The following CACNA1H variants were observed in gnomAD, a reference collection of about 807,000 sequenced individuals.
CACNA1H encodes voltage-dependent T-type calcium channel subunit alpha-1H.
In CACNA1H, 149 loss-of-function variants were observed where a neutral mutation model predicts 192.5. The ratio of observed to expected loss-of-function variants is 0.77; its 90% CI spans 0.68 to 0.89. The LOEUF (loss-of-function observed/expected upper bound fraction) is 0.89. Among genes scored for constraint, CACNA1H ranks in the 40% least tolerant of loss-of-function variants. The probability of loss-of-function intolerance (pLI) is 0.00; values close to 1 mark genes in which losing one functional copy is unlikely to be tolerated. For missense variants in CACNA1H, 4,257 were observed against 3,423.5 expected (o/e 1.24, Z -6.08); for synonymous variants, 2,202 against 1,475.2 (o/e 1.49, Z -11.29).
rs56885166 is a variant in CACNA1H, at chr16:1,220,585, G to A, written c.6653G>A (p.Arg2218His). The A allele has an allele frequency of 2.1e-3, 3,179 of 1,544,136 alleles. 2 individuals carry two copies. Among genetic ancestry groups the A allele is most frequent in the Non-Finnish European group, 2.6e-3 (2,984 of 1,152,004 alleles). ...AAEGGSTTLR[R>H]RTPSCEATPH... ...GAGGGCGGCAGCACCACACTGAGGCGCAGGACCCCGTCCTGTGAGGCCACG... is the reference window on the plus strand; with the variant it reads ...GAGGGCGGCAGCACCACACTGAGGCACAGGACCCCGTCCTGTGAGGCCACG... The change falls in exon 35 of 35, where the codon CGC becomes CAC. Residue 2218 changes from arginine (R) to histidine (H), a missense_variant. Transcript: ENST00000348261.
intron 2 of CACNA1H, among the ~76,000 whole-genome samples, chr16:1,170,628 G>T (rs1283583978): frequency 6.6e-6 from 1 of 152,190 alleles, no homozygotes; most frequent in African/African-American, 2.4e-5. Flanking sequence ...GTGGAGCCTG[G>T]TCGGCATCCT....
chr16:1,200,197 G>A (rs764471175), intron 6 of CACNA1H, 59 bp from the exon 7 acceptor site: 29 of 1,413,282 alleles, frequency 2.1e-5, no homozygotes, highest in East Asian at 1.2e-4. Context: ...TCGTGCCCCC[G>A]ACTCTGACCG....
chr16:1,157,600 C>T (rs1488561146), intron 2 of CACNA1H: 2 of 152,308 alleles, frequency 1.3e-5, no homozygotes, highest in Admixed American at 6.5e-5. Context: ...TCCACGTGCC[C>T]CGCAGGCCTC....
intron 2 of CACNA1H, among the ~76,000 whole-genome samples, chr16:1,162,708 A>G (rs550798138): frequency 2.1e-4 from 32 of 150,710 alleles, no homozygotes; most frequent in Non-Finnish European, 4.3e-4. Context: ...TGGGGGCCGC[A>G]CTTGGCTCTG....
chr16:1,153,795 C>A lies in CACNA1H; in HGVS notation c.58C>A (p.Pro20Thr). The A allele has an allele frequency of 2.4e-6, 3 of 1,247,412 alleles. No individual in the cohort carries two copies. The highest frequency in any genetic ancestry group is 3.0e-6 in the Non-Finnish European group (3 of 996,414). 77.3% of individuals were successfully genotyped at this position (1,247,412 alleles called of 1,614,324 possible). A position where few individuals can be genotyped will look rare whatever the true frequency, so the allele number is the denominator to read the frequency against. ...CCGGGTGCCCCTGGGCGCGCCGCCC[C>A]CTGGCCCTGCGGCGTTGGTGGGGGC... Reference protein sequence around the residue: ...EVRVPLGAPPPGPAALVGASP... With the variant: ...EVRVPLGAPPTGPAALVGASP... Residue 20 changes from proline to threonine, a missense_variant, in exon 2 of 35, where the codon CCT becomes ACT. Transcript: ENST00000348261.
chr16:1,154,067 G>A, intron 2 of CACNA1H, 31 bp downstream of exon 2: 3 of 890,106 alleles, frequency 3.4e-6, no homozygotes, highest in Non-Finnish European at 4.3e-6. Context: ...GGGGCGGGGG[G>A]CGGGGGGCGT....
At position 1,209,171 on chromosome 16, in the gene CACNA1H, C is replaced by T. The variant is rs1020672301; in HGVS notation, c.3503C>T (p.Ser1168Phe). ...GQCGERESLL[S>F]GEGKGSTDDE... ...TGTGGGGAACGTGAGTCCCTGCTGTCTGGCGAGGGCAAGGGCAGCACCGAC... is the reference window on the plus strand; with the variant it reads ...TGTGGGGAACGTGAGTCCCTGCTGTTTGGCGAGGGCAAGGGCAGCACCGAC... The change falls in exon 17 of 35, where the codon TCT (serine) becomes TTT (phenylalanine). Residue 1168 changes from serine (S) to phenylalanine (F), a missense_variant. Ser to Phe is a radical substitution (Grantham distance 155). Coordinates refer to ENST00000348261, the MANE Select transcript of CACNA1H (RefSeq NM_021098.3). 2 of 1,552,898 alleles carry T rather than the reference C, an allele frequency of 1.3e-6. No homozygotes were observed. Among genetic ancestry groups the T allele is most frequent in the Non-Finnish European group, 1.7e-6 (2 of 1,149,284 alleles).
In CACNA1H at chr16:1,215,583, C is replaced by T. The variant is rs759801451; in HGVS notation, c.5234C>T (p.Ala1745Val). Residue 1745 changes from alanine (A) to valine (V), a missense_variant, in exon 30 of 35, where the codon GCT (alanine) becomes GTT (valine). Transcript: ENST00000348261. ...MRALLDTVVQ[A>V]LPQVGNLGLL... ...GCCCTGCTGGACACTGTGGTGCAAGCTCTCCCCCAGGTAGGTGGAGCCCGC... is the reference window on the plus strand; with the variant it reads ...GCCCTGCTGGACACTGTGGTGCAAGTTCTCCCCCAGGTAGGTGGAGCCCGC... 6.2e-6 allele frequency: 10 copies of T among 1,611,422 alleles called. No individual in the cohort carries two copies. Among genetic ancestry groups the T allele is most frequent in the Non-Finnish European group, 8.5e-6 (10 of 1,179,422 alleles).
chr16:1,161,643 TGTCATCTCG>T (rs759907384), intron 2 of CACNA1H, among the ~76,000 whole-genome samples: 2 of 152,184 alleles, frequency 1.3e-5, no homozygotes, highest in Non-Finnish European at 2.9e-5. Flanking sequence ...CACTTTGGTC[TGTCATCTCG>T]GTCACTGATG....
rs568986803 is a variant in CACNA1H, at chr16:1,211,160, C to T, written c.4224-8C>T. The T allele has an allele frequency of 4.3e-5, 69 of 1,612,272 alleles. No individual in the cohort carries two copies. Among genetic ancestry groups the T allele is most frequent in the African/African-American group, 6.7e-5 (5 of 75,038 alleles). ...GATGACTGCAGTGTATCCTTCACTC[C>T]CCTCCAGGGTCATCAGCCGGGCCCC... On this transcript the variant is annotated splice_region_variant and splice_polypyrimidine_tract_variant and intron_variant, in intron 21 of 34. Coordinates refer to ENST00000348261, the MANE Select transcript of CACNA1H (RefSeq NM_021098.3).
At chr16:1,197,760 G>A (rs533018054) in intron 5 of CACNA1H, among the ~76,000 whole-genome samples, 3 of 152,324 alleles carry the variant, frequency 2.0e-5, no homozygotes, top group African/African-American at 7.2e-5. Flanking sequence ...ACCCCTGGGT[G>A]CTGGGTGAGA....
At chr16:1,205,088 T>G (rs367601257) in intron 10 of CACNA1H, 26 bp from the exon 11 acceptor site, 1 of 1,601,248 alleles carries the variant, frequency 6.2e-7, no homozygotes, top group Non-Finnish European at 8.5e-7. Flanking sequence ...TGCGGCCTCC[T>G]GAACTGTCCC....
rs1385677058 is a variant in CACNA1H, at chr16:1,212,033, G to T, written c.4654G>T (p.Gly1552Cys). 1 of 1,613,436 alleles carries T rather than the reference G, an allele frequency of 6.2e-7. No individual in the cohort carries two copies. Among genetic ancestry groups the T allele is most frequent in the Admixed American group, 1.7e-5 (1 of 60,022 alleles). The change falls in exon 25 of 35, where the codon GGC becomes TGC. Residue 1552 changes from glycine to cysteine, a missense_variant. Coordinates refer to ENST00000348261, the MANE Select transcript of CACNA1H (RefSeq NM_021098.3). ...CTTCTTCGTGCTCAACATGTTCGTG[G>T]GCGTCGTGGTCGAGAACTTCCACAA... ...VSFFVLNMFV[G>C]VVVENFHKCR...
At chr16:1,202,883 T>G (rs867965489) in intron 9 of CACNA1H, among the ~76,000 whole-genome samples, 46 of 150,852 alleles carry the variant, frequency 3.0e-4, no homozygotes, top group African/African-American at 1.1e-3. Context: ...TGGGGGAGTG[T>G]GGGGGAGGCA....
chr16:1,193,736 G>A (rs993530905), intron 2 of CACNA1H, among the ~76,000 whole-genome samples: 1 of 152,212 alleles, frequency 6.6e-6, no homozygotes, highest in Non-Finnish European at 1.5e-5. Context: ...TGGAGCCGTG[G>A]CACTGGCATC....
At chr16:1,171,593 A>T (rs1455704638) in intron 2 of CACNA1H, among the ~76,000 whole-genome samples, 1 of 152,212 alleles carries the variant, frequency 6.6e-6, no homozygotes, top group Non-Finnish European at 1.5e-5. Context: ...GAGGCGCCTC[A>T]GGCGGCTTTT....
At chr16:1,212,549 G>A (rs1969584173) in intron 26 of CACNA1H, 21 bp downstream of exon 26, 1 of 1,608,376 alleles carries the variant, frequency 6.2e-7, no homozygotes, top group African/African-American at 1.3e-5. Flanking sequence ...TGTCCCGCAT[G>A]CCTCAGGCCC....
intron 2 of CACNA1H, among the ~76,000 whole-genome samples, chr16:1,194,683 C>T (rs550524970): frequency 2.6e-5 from 4 of 152,228 alleles, no homozygotes; most frequent in Non-Finnish European, 5.9e-5. Context: ...TGCGGCCAGC[C>T]CACCGAGGGC....
At chr16:1,193,188 C>T (rs1051895053) in intron 2 of CACNA1H, among the ~76,000 whole-genome samples, 1 of 152,242 alleles carries the variant, frequency 6.6e-6, no homozygotes, top group Non-Finnish European at 1.5e-5. Flanking sequence ...AAGAAAACCC[C>T]TCCCCTCGGG....
Sources: gnomAD v4.1 joint callset for allele counts (sites outside exome capture counted in the v4.1 genomes callset) on GRCh38, gnomAD v4.1.1 for gene constraint, MANE v1.5 for transcripts, NCBI Gene and HGNC (gene_info 2026-07-23, HGNC 2026-07-21) for gene names.